The following CCDC80 variants were observed in gnomAD, a reference collection of about 807,000 sequenced individuals.
The protein encoded by CCDC80 is coiled-coil domain containing 80.
CCDC80 carries 49 observed loss-of-function variants against 78.7 expected under a neutral mutation model. The ratio of observed to expected loss-of-function variants is 0.62; its 90% confidence interval spans 0.50 to 0.79. CCDC80 has a LOEUF of 0.79. Ranked by LOEUF, CCDC80 falls within the 30% of genes least tolerant of loss-of-function variation. The pLI is 0.00. For missense variants in CCDC80, 1,205 were observed against 1,198.6 expected (o/e 1.01, Z -0.08); for synonymous variants, 488 against 447.0 (o/e 1.09, Z -1.16).
chr3:112,604,763 C>T lies in CCDC80; in HGVS notation c.*654G>A, dbSNP rs1372313900. On this transcript the variant is annotated 3_prime_UTR_variant, in exon 8 of 8. Coordinates refer to ENST00000206423, the MANE Select transcript of CCDC80 (RefSeq NM_199511.3). ...CAGTGCCAGATTCTGGTGAGGATTT[C>T]CTGGACCCCGATTTATATCTGAAAA... 3 of 152,176 alleles carry T rather than the reference C, an allele frequency of 2.0e-5. No individual in the cohort carries two copies. Among genetic ancestry groups the T allele is most frequent in the African/African-American group, 7.2e-5 (3 of 41,424 alleles). 9.4% of individuals were successfully genotyped at this position (152,176 alleles called of 1,614,324 possible).
chr3:112,634,257 C>T (rs1203574192), intron 2 of CCDC80, among the ~76,000 whole-genome samples: 3 of 152,102 alleles, frequency 2.0e-5, no homozygotes, highest in Non-Finnish European at 4.4e-5. Flanking sequence ...TGTCCTAATA[C>T]ACAGATGTCT....
rs1159005211 is a variant in CCDC80, at chr3:112,597,586, A to C, written c.*7831T>G. The stretch of plus-strand genomic sequence containing the variant: ...ATACAAGTGTCAGCATCTTTCATGG[A>C]CATCCAGACAATTTCTTAAAGATGG... On this transcript the variant is annotated 3_prime_UTR_variant, in exon 8 of 8. Coordinates refer to ENST00000206423, the MANE Select transcript of CCDC80 (RefSeq NM_199511.3). 9.9e-5 allele frequency: 15 copies of C among 152,090 alleles called. No homozygotes were observed. The highest frequency in any genetic ancestry group is 1.6e-4 in the Non-Finnish European group (11 of 68,012). 9.4% of individuals were successfully genotyped at this position (152,090 alleles called of 1,614,324 possible).
chr3:112,605,965 C>T (rs546147156), intron 7 of CCDC80, among the ~76,000 whole-genome samples: 26 of 152,314 alleles, frequency 1.7e-4, no homozygotes, highest in Admixed American at 1.7e-3. Context: ...CGATTAGGGT[C>T]AAACTTTGGG....
At position 112,597,346 on chromosome 3, in the gene CCDC80, T is replaced by A. The variant is rs1935299404; in HGVS notation, c.*8071A>T. On this transcript the variant is annotated 3_prime_UTR_variant, in exon 8 of 8. Transcript: ENST00000206423. ...CCATCTTTGGCCTCTTAGCCGGAGCTGATCCTTACATGGGCAGTAGACTAT... is the reference window on the plus strand; with the variant it reads ...CCATCTTTGGCCTCTTAGCCGGAGCAGATCCTTACATGGGCAGTAGACTAT... 2 of 152,240 alleles carry A rather than the reference T, an allele frequency of 1.3e-5. No homozygotes were observed. Among genetic ancestry groups the A allele is most frequent in the Non-Finnish European group, 2.9e-5 (2 of 68,034 alleles). 9.4% of individuals were successfully genotyped at this position (152,240 alleles called of 1,614,324 possible). A position where few individuals can be genotyped will look rare whatever the true frequency, so the allele number is the denominator to read the frequency against.
intron 2 of CCDC80, among the ~76,000 whole-genome samples, chr3:112,630,923 T>C (rs967715122): frequency 1.3e-5 from 2 of 152,134 alleles, no homozygotes; most frequent in Non-Finnish European, 2.9e-5. Context: ...TGTTTTTTAC[T>C]CTAAGTTTAG....
At chr3:112,608,422 G>A (rs1160951819) in intron 6 of CCDC80, among the ~76,000 whole-genome samples, 2 of 152,052 alleles carry the variant, frequency 1.3e-5, no homozygotes, top group African/African-American at 2.4e-5. Context: ...GGTTAGTCAT[G>A]TTTTCAAAAG....
At chr3:112,620,532 A>G (rs1935844397) in intron 3 of CCDC80, among the ~76,000 whole-genome samples, 1 of 152,166 alleles carries the variant, frequency 6.6e-6, no homozygotes, top group South Asian at 2.1e-4. Context: ...AAGTTGCAAA[A>G]CAAAATGCAT....
chr3:112,624,169 C>T (rs1935920127), intron 3 of CCDC80, among the ~76,000 whole-genome samples: 1 of 152,176 alleles, frequency 6.6e-6, no homozygotes, highest in Non-Finnish European at 1.5e-5. Context: ...TTCACACTTT[C>T]CTTTGATCTT....
rs569499375 is a variant in CCDC80 at position 112,638,542 on chromosome 3, G to T, written c.1364C>A (p.Thr455Lys). ...APPTTISEPSTRAAGPGRFRD... is the reference protein window; with the variant it reads ...APPTTISEPSKRAAGPGRFRD... The stretch of plus-strand genomic sequence containing the variant: ...GAAACGGCCTGGGCCAGCAGCCCTT[G>T]TGCTGGGTTCTGAGATGGTGGTGGG... The change falls in exon 2 of 8, where the codon ACA becomes AAA. Residue 455 changes from threonine (T) to lysine (K), a missense_variant. Physicochemically the swap from Thr to Lys is moderately conservative, Grantham distance 78. Coordinates refer to ENST00000206423, the MANE Select transcript of CCDC80 (RefSeq NM_199511.3). 7 of 1,614,004 alleles carry T rather than the reference G, an allele frequency of 4.3e-6. No individual in the cohort carries two copies.
Position 112,600,367 on chromosome 3 carries a change from GA to G in CCDC80, c.*5049del, listed in dbSNP as rs944846607. On this transcript the variant is annotated 3_prime_UTR_variant, in exon 8 of 8. Coordinates refer to ENST00000206423, the MANE Select transcript of CCDC80 (RefSeq NM_199511.3). ...TGCCAGTGGAACTGGAGAAATGCTT[GA>G]AAAAGTAATCTCAGGTTGTAAAAAA... The G allele has an allele frequency of 1.6e-4, 24 of 152,306 alleles. No homozygotes were observed. The highest frequency in any genetic ancestry group is 1.4e-3 in the Admixed American group (21 of 15,306). 9.4% of individuals were successfully genotyped at this position (152,306 alleles called of 1,614,324 possible). A position where few individuals can be genotyped will look rare whatever the true frequency, so the allele number is the denominator to read the frequency against.
intron 3 of CCDC80, among the ~76,000 whole-genome samples, chr3:112,624,556 A>C (rs949306871): frequency 1.3e-5 from 2 of 152,232 alleles, no homozygotes; most frequent in African/African-American, 4.8e-5. Flanking sequence ...CTTTTACTCT[A>C]TGAGTGGGTC....
Position 112,639,382 on chromosome 3 carries a change from A to T in CCDC80, c.524T>A (p.Val175Glu), listed in dbSNP as rs530232893. ...RLMMSLLKDD[V>E]YCELAERHIQ... ...GTGCCTCTCCGCCAGCTCACAGTAC[A>T]CATCGTCCTTCAGCAGGCTCATCAT... Residue 175 changes from valine (V) to glutamate (E), a missense_variant, in exon 2 of 8, where the codon GTG (valine) becomes GAG (glutamate). Physicochemically the swap from Val to Glu is moderately radical, Grantham distance 121. Coordinates refer to ENST00000206423, the MANE Select transcript of CCDC80 (RefSeq NM_199511.3). 2 of 1,614,100 alleles carry T rather than the reference A, an allele frequency of 1.2e-6. No individual in the cohort carries two copies. Among genetic ancestry groups the T allele is most frequent in the African/African-American group, 2.7e-5 (2 of 75,000 alleles).
rs1490562221 is a variant in CCDC80 at position 112,602,490 on chromosome 3, T to C, written c.*2927A>G. The C allele has an allele frequency of 1.3e-5, 2 of 152,154 alleles. No individual in the cohort carries two copies. The highest frequency in any genetic ancestry group is 3.8e-4 in the East Asian group (2 of 5,206). 9.4% of individuals were successfully genotyped at this position (152,154 alleles called of 1,614,324 possible). On this transcript the variant is annotated 3_prime_UTR_variant, in exon 8 of 8. Transcript: ENST00000206423. ...AAGCCTCTTATGCCAAACAACCAAG[T>C]TGTAAATGCAAAGGAAAAGTTCTTG...
chr3:112,639,055 G>A lies in CCDC80; in HGVS notation c.851C>T (p.Ser284Phe), dbSNP rs1409104061. ...CGCCACCACCTGGCCCTCTACACCA[G>A]AGGCCTTACATTTCTGGACAAAGCC... ...QKGFVQKCKA[S>F]GVEGQVVAEG... The change falls in exon 2 of 8, where the codon TCT (serine) becomes TTT (phenylalanine). Residue 284 changes from serine (S) to phenylalanine (F), a missense_variant. Physicochemically the swap from Ser to Phe is radical, Grantham distance 155 (BLOSUM62 -2). Transcript: ENST00000206423. 1.9e-6 allele frequency: 3 copies of A among 1,612,362 alleles called. No homozygotes were observed. The highest frequency in any genetic ancestry group is 2.5e-6 in the Non-Finnish European group (3 of 1,180,008).
At chr3:112,634,930 G>A (rs955860319) in intron 2 of CCDC80, among the ~76,000 whole-genome samples, 1 of 152,136 alleles carries the variant, frequency 6.6e-6, no homozygotes, top group African/African-American at 2.4e-5. Context: ...TGTAGAAAGG[G>A]GTAAATAAAT....
intron 7 of CCDC80, among the ~76,000 whole-genome samples, chr3:112,606,677 G>A (rs1047731483): frequency 1.4e-4 from 22 of 151,934 alleles, no homozygotes; most frequent in African/African-American, 3.4e-4. Context: ...TGCCCACCTC[G>A]GCCTCCCAAA....
chr3:112,633,711 C>T (rs1237404989), intron 2 of CCDC80, among the ~76,000 whole-genome samples: 1 of 152,060 alleles, frequency 6.6e-6, no homozygotes, highest in Non-Finnish European at 1.5e-5. Flanking sequence ...AAGTTTGCAA[C>T]AGAGAAAATA....
In CCDC80 at chr3:112,638,390, A is replaced by G. The variant is rs1399980243; in HGVS notation, c.1516T>C (p.Tyr506His). The G allele has an allele frequency of 6.2e-7, 1 of 1,611,466 alleles. No individual in the cohort carries two copies. Among genetic ancestry groups the G allele is most frequent in the East Asian group, 2.2e-5 (1 of 44,772 alleles). ...KAQDKILSNE[Y>H]EEKYDLSRPT... ...CGGCTGAGGTCATACTTCTCCTCAT[A>G]CTCATTACTAAGAATTTTGTCCTGG... The change falls in exon 2 of 8, where the codon TAT (tyrosine) becomes CAT (histidine). Residue 506 changes from tyrosine to histidine, a missense_variant. By Grantham distance (83) the Tyr-to-His change is moderately conservative. Coordinates refer to ENST00000206423, the MANE Select transcript of CCDC80 (RefSeq NM_199511.3).
In CCDC80 at chr3:112,599,995, CTG is replaced by C. The variant is rs1483140814; in HGVS notation, c.*5420_*5421del. 1.1e-4 allele frequency: 16 copies of C among 152,242 alleles called. No homozygotes were observed. The highest frequency in any genetic ancestry group is 3.4e-3 in the Middle Eastern group (1 of 294). The allele number at this position is 152,242 out of a possible 1,614,324, so 9.4% of individuals were successfully genotyped here. On this transcript the variant is annotated 3_prime_UTR_variant, in exon 8 of 8. Transcript: ENST00000206423. The stretch of plus-strand genomic sequence containing the variant: ...ATAATCTTTCTCAAAAATTATAAAA[CTG>C]TATTTTATTTTTCTCATTTATTTGG...
Sources: allele counts gnomAD v4.1 joint callset (sites outside exome capture counted in the v4.1 genomes callset), GRCh38; gene constraint gnomAD v4.1.1; transcripts MANE v1.5; gene names NCBI Gene and HGNC (gene_info 2026-07-23, HGNC 2026-07-21).